The following JMJD1C variants were observed in gnomAD, a reference collection of about 807,000 sequenced individuals.
JMJD1C encodes the protein jumonji domain containing 1C.
In JMJD1C, 31 loss-of-function variants were observed where a neutral mutation model predicts 245.3. The ratio of observed to expected loss-of-function variants is 0.13; its 90% CI spans 0.09 to 0.17. The LOEUF is 0.17. JMJD1C is among the 10% of genes least tolerant of loss of function. JMJD1C has a pLI of 1.00. For synonymous variants in JMJD1C, 1,057 were observed against 1,017.4 expected (o/e 1.04, Z -0.74); for missense variants, 2,691 against 3,000.2 (o/e 0.90, Z 2.41).
chr10:63,271,054 G>A (rs1395521949), intron 2 of JMJD1C, among the ~76,000 whole-genome samples: 5 of 152,112 alleles, frequency 3.3e-5, no homozygotes, highest in African/African-American at 1.2e-4. Flanking sequence ...TTTTATTGTA[G>A]AAATTACATG....
At chr10:63,306,715 A>G (rs1173845677) in intron 2 of JMJD1C, among the ~76,000 whole-genome samples, 1 of 152,232 alleles carries the variant, frequency 6.6e-6, no homozygotes, top group Non-Finnish European at 1.5e-5. Flanking sequence ...AAAAATATAA[A>G]AATGTTACAT....
At chr10:63,458,997 C>T (rs1258376522) in intron 1 of JMJD1C, among the ~76,000 whole-genome samples, 3 of 152,156 alleles carry the variant, frequency 2.0e-5, no homozygotes, top group Non-Finnish European at 4.4e-5. Context: ...GCTGAGATTA[C>T]AGATGTGAGC....
chr10:63,189,472 A>C (rs1326811561), intron 17 of JMJD1C, 26 bp from the exon 18 acceptor site: 1 of 1,567,886 alleles, frequency 6.4e-7, no homozygotes, highest in Admixed American at 2.1e-5. Context: ...CAAAACAAAA[A>C]AAACCTGTTT....
intron 1 of JMJD1C, among the ~76,000 whole-genome samples, chr10:63,448,748 G>T (rs933899177): frequency 1.3e-5 from 2 of 152,086 alleles, no homozygotes; most frequent in Admixed American, 6.5e-5. Flanking sequence ...TCTATAAAAG[G>T]TCTACATATA....
At chr10:63,233,737 A>ATC (rs1850298905) in intron 3 of JMJD1C, among the ~76,000 whole-genome samples, 1 of 122,606 alleles carries the variant, frequency 8.2e-6, no homozygotes. Context: ...ATATATATAT[A>ATC]TATATCCACA....
chr10:63,184,501 CAA>C, intron 21 of JMJD1C, 105 bp downstream of exon 21: 2 of 967,228 alleles, frequency 2.1e-6, no homozygotes, highest in South Asian at 3.5e-5. Flanking sequence ...CTTAGCCTCC[CAA>C]AGAGTGCTGG....
At chr10:63,471,811 G>A (rs1194307143) in intron 1 of JMJD1C, among the ~76,000 whole-genome samples, 3 of 152,188 alleles carry the variant, frequency 2.0e-5, no homozygotes, top group African/African-American at 7.2e-5. Context: ...GCTGAGTGGG[G>A]CGGATCACCT....
chr10:63,261,311 G>T (rs553984549), intron 3 of JMJD1C, among the ~76,000 whole-genome samples: 5 of 152,140 alleles, frequency 3.3e-5, no homozygotes, highest in Non-Finnish European at 7.4e-5. Context: ...CGGGCGCAGT[G>T]GCTCACAACT....
At chr10:63,324,359 G>A (rs562060910) in intron 2 of JMJD1C, among the ~76,000 whole-genome samples, 1 of 152,110 alleles carries the variant, frequency 6.6e-6, no homozygotes, top group East Asian at 1.9e-4. Context: ...TCAAACTCGT[G>A]TCTATCTAAA....
intron 24 of JMJD1C, among the ~76,000 whole-genome samples, chr10:63,174,717 G>A (rs1172525436): frequency 2.0e-5 from 3 of 151,856 alleles, no homozygotes; most frequent in Non-Finnish European, 4.4e-5. Context: ...CCTGTAATCC[G>A]CAGCTACTCG....
chr10:63,242,516 G>T (rs1414735890), intron 3 of JMJD1C, among the ~76,000 whole-genome samples: 1 of 152,160 alleles, frequency 6.6e-6, no homozygotes, highest in African/African-American at 2.4e-5. Context: ...GAGGTCAGGA[G>T]TCTGACACCA....
chr10:63,393,608 C>T (rs73296532), intron 1 of JMJD1C, among the ~76,000 whole-genome samples: 3,498 of 152,170 alleles, frequency 0.023, 135 homozygotes, highest in African/African-American at 0.08. Context: ...CAGCACTATT[C>T]ACAATACCCA....
rs759513418 is a variant in JMJD1C at position 63,215,414 on chromosome 10, T to C, written c.864A>G (p.Ala288=). ...TTGGTACAGCAGCTTGGGAGTTCAT[T>C]GCTGGTCTGGGACTATTTGCTTGGG... ...TRAQANSPRP[A]MNSQAAVPKQ... The change falls in exon 7 of 26, where the codon GCA becomes GCG. Residue 288 remains alanine, a synonymous_variant. Transcript: ENST00000399262. 2 of 1,614,174 alleles carry C rather than the reference T, an allele frequency of 1.2e-6. No individual in the cohort carries two copies. Among genetic ancestry groups the C allele is most frequent in the East Asian group, 4.5e-5 (2 of 44,884 alleles).
chr10:63,304,633 A>T (rs1338195940), intron 2 of JMJD1C, among the ~76,000 whole-genome samples: 1 of 152,236 alleles, frequency 6.6e-6, no homozygotes, highest in Non-Finnish European at 1.5e-5. Context: ...TCCCAAGAAT[A>T]ATAATTATGA....
chr10:63,194,121 A>C (rs1845171958), intron 14 of JMJD1C, among the ~76,000 whole-genome samples, 165 bp downstream of exon 14: 1 of 152,204 alleles, frequency 6.6e-6, no homozygotes, highest in Non-Finnish European at 1.5e-5. Context: ...GCTTGGACTT[A>C]TCTTCTGAGC....
At chr10:63,408,968 G>A (rs890417882) in intron 1 of JMJD1C, among the ~76,000 whole-genome samples, 1 of 152,080 alleles carries the variant, frequency 6.6e-6, no homozygotes, top group African/African-American at 2.4e-5. Context: ...AACTTAGGGA[G>A]TATCTGATTA....
chr10:63,218,561 T>C (rs925983756), intron 4 of JMJD1C, among the ~76,000 whole-genome samples: 2 of 152,138 alleles, frequency 1.3e-5, no homozygotes, highest in Non-Finnish European at 2.9e-5. Flanking sequence ...TGATCAGTTT[T>C]CAATTCCCAT....
chr10:63,445,522 T>C (rs1951661215), intron 1 of JMJD1C, among the ~76,000 whole-genome samples: 1 of 152,058 alleles, frequency 6.6e-6, no homozygotes, highest in African/African-American at 2.4e-5. Context: ...AAGAGGGTAA[T>C]AGAAGATAAT....
chr10:63,457,171 T>G (rs114372176), intron 1 of JMJD1C, among the ~76,000 whole-genome samples: 1 of 152,092 alleles, frequency 6.6e-6, no homozygotes, highest in African/African-American at 2.4e-5. Flanking sequence ...GAGCAAGTGG[T>G]AGTACAAATT....
Sources: gnomAD v4.1 joint callset for allele counts (sites outside exome capture counted in the v4.1 genomes callset) on GRCh38, gnomAD v4.1.1 for gene constraint, MANE v1.5 for transcripts, NCBI Gene and HGNC (gene_info 2026-07-23, HGNC 2026-07-21) for gene names.